Variants in MTUS1 observed in about 807,000 individuals in gnomAD.
The protein encoded by MTUS1 is microtubule associated scaffold protein 1.
MTUS1 carries 109 observed loss-of-function variants against 120.8 expected under a neutral mutation model. The ratio of observed to expected loss-of-function variants is 0.90; its 90% CI spans 0.77 to 1.06. MTUS1 has a LOEUF of 1.06. Ranked by LOEUF, MTUS1 falls within the 50% of genes least tolerant of loss-of-function variation. The pLI, the probability that MTUS1 is intolerant of heterozygous loss-of-function variation, is 0.00. For missense variants in MTUS1, 2,210 were observed against 1,486.3 expected (o/e 1.49, Z -8.01); for synonymous variants, 737 against 550.5 (o/e 1.34, Z -4.74).
chr8:17,770,476 A>G (rs2049942056), intron 1 of MTUS1: 1 of 152,234 alleles, frequency 6.6e-6, no homozygotes, highest in African/African-American at 2.4e-5. Context: ...CTTAAGCAAG[A>G]GATGTCTTAT....
At chr8:17,761,641 C>T (rs2049045520) in intron 1 of MTUS1, among the ~76,000 whole-genome samples, 1 of 152,174 alleles carries the variant, frequency 6.6e-6, no homozygotes, top group African/African-American at 2.4e-5. Context: ...AACCTTGTAA[C>T]ACCATATTAT....
At chr8:17,665,746 G>C (rs73573044) in intron 8 of MTUS1, among the ~76,000 whole-genome samples, 9,316 of 152,282 alleles carry the variant, frequency 0.061, 496 homozygotes, top group East Asian at 0.24. Flanking sequence ...AGATGTAGAA[G>C]ACAAAGTTAA....
intron 1 of MTUS1, among the ~76,000 whole-genome samples, chr8:17,782,011 C>T (rs2050910464): frequency 1.3e-5 from 2 of 152,216 alleles, no homozygotes; most frequent in African/African-American, 2.4e-5. Context: ...AACCTGATGG[C>T]CCTCGGTTGG....
At chr8:17,647,229 C>A in intron 13 of MTUS1, 150 bp from the exon 14 acceptor site, 1 of 600,156 alleles carries the variant, frequency 1.7e-6, no homozygotes, top group Non-Finnish European at 2.9e-6. Flanking sequence ...AACAAACATA[C>A]TGAAAAAGAT....
intron 6 of MTUS1, among the ~76,000 whole-genome samples, chr8:17,694,661 C>T (rs1721615049): frequency 6.6e-6 from 1 of 151,444 alleles, no homozygotes; most frequent in Non-Finnish European, 1.5e-5. Flanking sequence ...GAGCGAGACT[C>T]CATCTAAAAC....
At chr8:17,656,586 G>A (rs1002838560) in intron 8 of MTUS1, among the ~76,000 whole-genome samples, 1 of 130,808 alleles carries the variant, frequency 7.6e-6, no homozygotes, top group African/African-American at 2.9e-5. Context: ...CTCCCAAGCA[G>A]TAAGAGAAGT....
chr8:17,766,673 T>C lies in MTUS1; in HGVS notation c.-154-10712A>G, dbSNP rs763066657. ...GTCCTGGTTTTCTGGTGGTTTGTTG[T>C]TGTTGTGGGGTCTGAGAATGTACAG... is the stretch of plus-strand genomic sequence containing the variant. On this transcript the variant is annotated intron_variant, in intron 1 of 14. Transcript: ENST00000693296. 2.9e-4 allele frequency among the ~76,000 whole-genome samples: 44 copies of C among 152,314 alleles called. 1 individual carries two copies. The highest frequency in any genetic ancestry group is 9.9e-4 in the African/African-American group (41 of 41,564).
intron 10 of MTUS1, chr8:17,653,759 T>G (rs1349754934): frequency 2.6e-6 from 1 of 378,286 alleles, no homozygotes; most frequent in Non-Finnish European, 4.7e-6. Context: ...CATGCGACCT[T>G]AGGACAACAC....
intron 6 of MTUS1, among the ~76,000 whole-genome samples, chr8:17,687,763 G>C (rs1222167361): frequency 2.6e-5 from 4 of 152,160 alleles, no homozygotes; most frequent in Non-Finnish European, 5.9e-5. Context: ...TGCTCATTTG[G>C]AAAGCAGCTG....
chr8:17,664,521 G>A (rs944697946), intron 8 of MTUS1, among the ~76,000 whole-genome samples: 1 of 148,784 alleles, frequency 6.7e-6, no homozygotes, highest in Non-Finnish European at 1.5e-5. Flanking sequence ...CTCCAGCTCT[G>A]CCTGCAGTGG....
intron 1 of MTUS1, among the ~76,000 whole-genome samples, chr8:17,790,488 T>C (rs77915146): frequency 0.025 from 3,823 of 152,306 alleles, 153 homozygotes; most frequent in African/African-American, 0.087. Flanking sequence ...TTAGGACTTA[T>C]TGCAAAAAGC....
intron 6 of MTUS1, among the ~76,000 whole-genome samples, chr8:17,685,330 A>C (rs1585681030): frequency 6.6e-6 from 1 of 152,314 alleles, no homozygotes; most frequent in South Asian, 2.1e-4. Flanking sequence ...TAAATAAAAA[A>C]CTGTTCAGTC....
intron 7 of MTUS1, among the ~76,000 whole-genome samples, chr8:17,681,024 C>A (rs1032891141): frequency 6.6e-6 from 1 of 152,030 alleles, no homozygotes; most frequent in Non-Finnish European, 1.5e-5. Context: ...ACCTCCACCT[C>A]TCAAAGTAAA....
At chr8:17,765,248 C>T (rs568094520) in intron 1 of MTUS1, among the ~76,000 whole-genome samples, 7 of 152,290 alleles carry the variant, frequency 4.6e-5, no homozygotes, top group Middle Eastern at 3.4e-3. Flanking sequence ...TTTGCCCCCT[C>T]GCCTGAAGCC....
In MTUS1 at chr8:17,755,978, G is replaced by A. The variant is rs1380708643; in HGVS notation, c.-154-17C>T. ...TGTTGTTCCCTGGAAGAAATAAAAT[G>A]TTTAACTCAAGTAACTATAAGAAAA... is the stretch of plus-strand genomic sequence containing the variant. On this transcript the variant is annotated splice_polypyrimidine_tract_variant and intron_variant, in intron 1 of 14. Transcript: ENST00000693296. 7.1e-7 allele frequency: 1 copy of A among 1,399,798 alleles called. No individual in the cohort carries two copies. The highest frequency in any genetic ancestry group is 3.2e-5 in the Admixed American group (1 of 31,288). 86.7% of individuals were successfully genotyped at this position (1,399,798 alleles called of 1,614,324 possible). A position where few individuals can be genotyped will look rare whatever the true frequency, so the allele number is the denominator to read the frequency against.
rs540711318 is a variant in MTUS1 at position 17,751,186 on chromosome 8, C to T, written c.2091+2531G>A. On this transcript the variant is annotated intron_variant, in intron 2 of 14. Coordinates refer to ENST00000693296, the MANE Select transcript of MTUS1 (RefSeq NM_001363059.2). ...ACAAAAAATTAGCCAGGCATGTGCA[C>T]CTGTAGTCCCAGCTACTTGGGAGAA... is the stretch of plus-strand genomic sequence containing the variant. Among the ~76,000 whole-genome samples the T allele has an allele frequency of 3.1e-4, 47 of 152,288 alleles. 1 individual carries two copies. The South Asian group carries it at 9.7e-3, about 32-fold the overall frequency.
At chr8:17,742,728 T>C (rs546627177) in intron 3 of MTUS1, among the ~76,000 whole-genome samples, 2 of 152,166 alleles carry the variant, frequency 1.3e-5, no homozygotes, top group African/African-American at 4.8e-5. Flanking sequence ...CATGGTAGGG[T>C]TGAAAAATGA....
intron 6 of MTUS1, among the ~76,000 whole-genome samples, chr8:17,688,288 G>T (rs569638936): frequency 1.3e-5 from 2 of 152,182 alleles, no homozygotes; most frequent in African/African-American, 2.4e-5. Context: ...GGTGCTTTGC[G>T]GGGACAGGAG....
chr8:17,662,029 G>A (rs539468058), intron 8 of MTUS1, among the ~76,000 whole-genome samples: 19 of 152,260 alleles, frequency 1.2e-4, no homozygotes, highest in African/African-American at 3.4e-4. Flanking sequence ...AGTGCTCCTC[G>A]GCAGCTGTGA....
Sources: gnomAD v4.1 joint callset for allele counts (sites outside exome capture counted in the v4.1 genomes callset) on GRCh38, gnomAD v4.1.1 for gene constraint, MANE v1.5 for transcripts, NCBI Gene and HGNC (gene_info 2026-07-23, HGNC 2026-07-21) for gene names.